MGA: variants seen among roughly 807,000 people sequenced by gnomAD.
MGA encodes the protein MAX dimerization protein MGA.
Under a neutral mutation model 261.1 loss-of-function variants are expected in MGA, and 40 were observed. The ratio of observed to expected loss-of-function variants is 0.15; its 90% CI spans 0.12 to 0.20. The LOEUF (loss-of-function observed/expected upper bound fraction) is 0.20. MGA is among the 10% of genes least tolerant of loss of function. The pLI, the probability that MGA is intolerant of heterozygous loss-of-function variation, is 1.00. For synonymous variants in MGA, 1,302 were observed against 1,290.6 expected (o/e 1.01, Z -0.19); for missense variants, 3,397 against 3,630.5 (o/e 0.94, Z 1.65).
At chr15:41,697,418 C>CTTTTTT (rs1204938099) in intron 3 of MGA, among the ~76,000 whole-genome samples, 8 of 132,822 alleles carry the variant, frequency 6.0e-5, no homozygotes, top group African/African-American at 5.6e-5. Flanking sequence ...TTTTTCTTTT[C>CTTTTTT]TTTTTTTTTT....
intron 1 of MGA, among the ~76,000 whole-genome samples, chr15:41,652,536 A>ATT (rs565376449): frequency 2.1e-4 from 28 of 136,418 alleles, no homozygotes; most frequent in East Asian, 4.3e-4. Flanking sequence ...AGCTAATTAA[A>ATT]TTTTTTTTTT....
At chr15:41,665,231 A>G (rs910723900) in intron 1 of MGA, among the ~76,000 whole-genome samples, 1 of 152,214 alleles carries the variant, frequency 6.6e-6, no homozygotes, top group African/African-American at 2.4e-5. Flanking sequence ...TTTAATTATA[A>G]TGAAGAAGAC....
chr15:41,664,775 G>A (rs940646636), intron 1 of MGA, among the ~76,000 whole-genome samples: 2 of 151,968 alleles, frequency 1.3e-5, no homozygotes, highest in African/African-American at 4.8e-5. Context: ...AGTTCTTTAA[G>A]CTTTAATATT....
rs368218967 is a variant in MGA at position 41,766,972 on chromosome 15, C to T, written c.8890C>T (p.Pro2964Ser). 14 of 1,613,828 alleles carry T rather than the reference C, an allele frequency of 8.7e-6. No individual in the cohort carries two copies. The highest frequency in any genetic ancestry group is 1.3e-5 in the African/African-American group (1 of 74,916). ...TGCAGAGCCCGAAAGTGTGTCCTCA[C>T]CCCCCACCCTACACATGAAGACTGG... Residue 2964 changes from proline to serine, a missense_variant, in exon 24 of 24, where the codon CCC (proline) becomes TCC (serine). By Grantham distance (74) the Pro-to-Ser change is moderately conservative. This residue lies in a region of MGA where 647 missense variants were observed against 642.4 expected (regional missense o/e 1.01). Transcript: ENST00000219905.
intron 22 of MGA, among the ~76,000 whole-genome samples, 152 bp downstream of exon 22, chr15:41,762,514 C>G (rs1223901436): frequency 1.7e-5 from 2 of 117,772 alleles, no homozygotes; most frequent in Non-Finnish European, 3.3e-5. Flanking sequence ...GTCGCCCAGG[C>G]TGCAGTTGCA....
chr15:41,708,594 C>T (rs1412825706), intron 7 of MGA, among the ~76,000 whole-genome samples: 1 of 152,214 alleles, frequency 6.6e-6, no homozygotes, highest in Non-Finnish European at 1.5e-5. Flanking sequence ...GCTGGGATTA[C>T]AGGCGTGAGC....
At chr15:41,745,004 G>A (rs1159558564) in intron 15 of MGA, among the ~76,000 whole-genome samples, 2 of 152,038 alleles carry the variant, frequency 1.3e-5, no homozygotes, top group East Asian at 1.9e-4. Flanking sequence ...TCAGCCTCCC[G>A]AGTAGCTGGG....
chr15:41,653,649 A>G (rs753419600), intron 1 of MGA, among the ~76,000 whole-genome samples: 1 of 150,862 alleles, frequency 6.6e-6, no homozygotes, highest in African/African-American at 2.4e-5. Context: ...TTGAAGCTGC[A>G]GTGAGCCGTG....
chr15:41,650,839 T>G (rs1347048473), intron 1 of MGA, among the ~76,000 whole-genome samples: 1 of 152,192 alleles, frequency 6.6e-6, no homozygotes, highest in Non-Finnish European at 1.5e-5. Flanking sequence ...ATCATGGACT[T>G]GTAGATTGGA....
intron 2 of MGA, among the ~76,000 whole-genome samples, chr15:41,692,277 C>T (rs776612579): frequency 3.9e-5 from 6 of 152,184 alleles, no homozygotes; most frequent in Non-Finnish European, 5.9e-5. Context: ...TACATGTTCT[C>T]TTATTTCCAG....
At chr15:41,691,653 GA>G in intron 2 of MGA, 1 of 517,060 alleles carries the variant, frequency 1.9e-6, no homozygotes, top group South Asian at 1.4e-5. Context: ...TCAGCTGTCT[GA>G]AAATGTCTTC....
intron 1 of MGA, among the ~76,000 whole-genome samples, chr15:41,640,309 G>C (rs1043705926): frequency 6.6e-6 from 1 of 152,128 alleles, no homozygotes; most frequent in Non-Finnish European, 1.5e-5. Context: ...GAGTATTGAG[G>C]CCCTTATATG....
chr15:41,767,420 G>GGGT lies in MGA; in HGVS notation c.*141_*143dup, dbSNP rs1194237550. On this transcript the variant is annotated 3_prime_UTR_variant, in exon 24 of 24. Coordinates refer to ENST00000219905, the MANE Select transcript of MGA (RefSeq NM_001164273.2). ...GCAGTGGATAATGATGGGAGAAAGG[G>GGGT]GGTAGGGTGCTGACCCTGGTATAAG... 9.0e-6 allele frequency: 8 copies of GGGT among 885,960 alleles called. No homozygotes were observed. The highest frequency in any genetic ancestry group is 1.2e-5 in the Non-Finnish European group (7 of 585,248). 54.9% of individuals were successfully genotyped at this position (885,960 alleles called of 1,614,324 possible).
chr15:41,669,903 G>C lies in MGA; in HGVS notation c.1009G>C (p.Asp337His). Residue 337 changes from aspartate (D) to histidine (H), a missense_variant, in exon 2 of 24, where the codon GAT becomes CAT. Coordinates refer to ENST00000219905, the MANE Select transcript of MGA (RefSeq NM_001164273.2). ...AAAACGAGACTTTCTTGGTTTCATG[G>C]ATACTGATTCAGCACTTAGTGAAGT... The C allele has an allele frequency of 1.2e-6, 2 of 1,613,936 alleles. No individual in the cohort carries two copies. Among genetic ancestry groups the C allele is most frequent in the Middle Eastern group, 1.6e-4 (1 of 6,062 alleles).
At position 41,769,503 on chromosome 15, in the gene MGA, G is replaced by A. The variant is rs72724156; in HGVS notation, c.*2223G>A. The A allele has an allele frequency of 1.3e-5, 2 of 152,120 alleles. No individual in the cohort carries two copies. Among genetic ancestry groups the A allele is most frequent in the Non-Finnish European group, 2.9e-5 (2 of 67,992 alleles). 9.4% of individuals were successfully genotyped at this position (152,120 alleles called of 1,614,324 possible). On this transcript the variant is annotated 3_prime_UTR_variant, in exon 24 of 24. Coordinates refer to ENST00000219905, the MANE Select transcript of MGA (RefSeq NM_001164273.2). ...CCTCTTAGAACTAGGTGTTGTCAGG[G>A]ATAATTTGAGGAGGGCTTAGTCTTC...
At chr15:41,694,402 A>G (rs184785954) in intron 2 of MGA, among the ~76,000 whole-genome samples, 5 of 151,684 alleles carry the variant, frequency 3.3e-5, no homozygotes, top group East Asian at 1.9e-4. Flanking sequence ...CATCTCAGGG[A>G]AAAAAAAAGT....
At chr15:41,655,282 A>T (rs1243374029) in intron 1 of MGA, among the ~76,000 whole-genome samples, 1 of 150,944 alleles carries the variant, frequency 6.6e-6, no homozygotes, top group Non-Finnish European at 1.5e-5. Flanking sequence ...GAGTTCAAGC[A>T]ATTCTTGTGC....
intron 9 of MGA, among the ~76,000 whole-genome samples, chr15:41,725,135 T>C (rs1446490209): frequency 1.3e-5 from 2 of 152,202 alleles, no homozygotes; most frequent in Non-Finnish European, 2.9e-5. Context: ...ATACATTTAC[T>C]TCACTACGGC....
chr15:41,623,052 C>G (rs2056347692), intron 1 of MGA, among the ~76,000 whole-genome samples: 1 of 152,138 alleles, frequency 6.6e-6, no homozygotes, highest in Non-Finnish European at 1.5e-5. Flanking sequence ...GTTCTCATAA[C>G]AAACCTACGA....
Sources: allele counts gnomAD v4.1 joint callset (sites outside exome capture counted in the v4.1 genomes callset), GRCh38; gene constraint gnomAD v4.1.1; regional missense constraint gnomAD v4.1.1; transcripts MANE v1.5; gene names NCBI Gene and HGNC (gene_info 2026-07-23, HGNC 2026-07-21).